The following BDH2 variants were observed in gnomAD, a reference collection of about 807,000 sequenced individuals.
The protein encoded by BDH2 is dehydrogenase/reductase SDR family member 6.
BDH2 carries 24 observed loss-of-function variants against 33.2 expected under a neutral mutation model. That is an observed-to-expected ratio of 0.72 (90% CI 0.52 to 1.02). BDH2 has a LOEUF of 1.02. BDH2 is among the 50% of genes least tolerant of loss of function. BDH2 has a pLI of 0.00. For synonymous variants in BDH2, 81 were observed against 101.6 expected, an observed-to-expected ratio of 0.80 and a Z score of 1.22; for missense variants, 249 against 301.6, an observed-to-expected ratio of 0.83 and a Z score of 1.29.
intron 4 of BDH2, chr4:103,091,570 AAAAC>A: frequency 7.7e-6 from 3 of 388,582 alleles, no homozygotes; most frequent in Non-Finnish European, 5.0e-6. Context: ...AATGCCATTA[AAAAC>A]AAACAACAAA....
chr4:103,085,438 C>T lies in BDH2; in HGVS notation c.443G>A (p.Ser148Asn), dbSNP rs1208494954. 6.2e-7 allele frequency: 1 copy of T among 1,613,214 alleles called. No homozygotes were observed. The highest frequency in any genetic ancestry group is 1.3e-5 in the African/African-American group (1 of 75,022). Residue 148 changes from serine to asparagine, a missense_variant, in exon 7 of 10, where the codon AGC becomes AAC. By Grantham distance (46) the Ser-to-Asn change is conservative. Transcript: ENST00000296424. ...GCCAATCACGGCTGCCTTGGTTGTG[C>T]TGTACACACATCTGTTCACAACTCC... is the stretch of plus-strand genomic sequence containing the variant. ...VKGVVNRCVY[S>N]TTKAAVIGLT...
Position 103,079,681 on chromosome 4 carries a change from C to T in BDH2, c.*21G>A. ...TGGATAGGAAGGGCCTGCCTTCCTT[C>T]CCACCATGGAGATCCTAAAATCACA... On this transcript the variant is annotated 3_prime_UTR_variant, in exon 10 of 10. Coordinates refer to ENST00000296424, the MANE Select transcript of BDH2 (RefSeq NM_020139.4). 6.2e-7 allele frequency: 1 copy of T among 1,611,850 alleles called. No individual in the cohort carries two copies. Among genetic ancestry groups the T allele is most frequent in the South Asian group, 1.1e-5 (1 of 91,026 alleles).
At chr4:103,092,401 C>T in intron 4 of BDH2, 199 bp downstream of exon 4, 1 of 578,770 alleles carries the variant, frequency 1.7e-6, no homozygotes, top group Non-Finnish European at 3.1e-6. Flanking sequence ...TCATTTGCCC[C>T]AGATCATGTC....
chr4:103,088,758 T>A (rs1023833447), intron 5 of BDH2, among the ~76,000 whole-genome samples: 15 of 152,172 alleles, frequency 9.9e-5, no homozygotes, highest in African/African-American at 3.6e-4. Flanking sequence ...TGGCCAGAGC[T>A]CAGCCCCTAA....
intron 5 of BDH2, among the ~76,000 whole-genome samples, chr4:103,088,175 T>A (rs1353140279): frequency 6.6e-6 from 1 of 152,088 alleles, no homozygotes. Context: ...TGAAATGGGG[T>A]TCTCATAAAA....
Position 103,086,442 on chromosome 4 carries a change from G to A in BDH2, c.418+38C>T, listed in dbSNP as rs746703772. ...ACGCAGAGCTCTTAATGATGTGCGT[G>A]TATGAGCATCGCAGTCCTCGGAAGG... On this transcript the variant is annotated intron_variant, in intron 6 of 9. Coordinates refer to ENST00000296424, the MANE Select transcript of BDH2 (RefSeq NM_020139.4). The A allele has an allele frequency of 2.5e-6, 4 of 1,603,716 alleles. No homozygotes were observed. The East Asian group carries it at 8.9e-5, about 36-fold the overall frequency.
chr4:103,093,816 G>T (rs1004041954), intron 3 of BDH2, among the ~76,000 whole-genome samples: 16 of 148,832 alleles, frequency 1.1e-4, no homozygotes, highest in African/African-American at 3.7e-4. Flanking sequence ...TATTTTGGGG[G>T]AATATAGAAA....
rs936717091 is a variant in BDH2, at chr4:103,085,244, T to C, written c.532+105A>G. On this transcript the variant is annotated intron_variant, in intron 7 of 9. Transcript: ENST00000296424. Reference sequence around the variant, plus strand: ...ATCTGTTGCAACTATTATACTAAACTCTGCCTTTGTAGCATGAAAACAGCC... The same window carrying C: ...ATCTGTTGCAACTATTATACTAAACCCTGCCTTTGTAGCATGAAAACAGCC... 3 of 839,484 alleles carry C rather than the reference T, an allele frequency of 3.6e-6. No individual in the cohort carries two copies. In the African/African-American group the frequency reaches 5.1e-5, roughly 14 times the overall value. The allele number at this position is 839,484 out of a possible 1,614,324, so 52.0% of individuals were successfully genotyped here.
intron 5 of BDH2, among the ~76,000 whole-genome samples, chr4:103,089,991 C>T (rs889372244): frequency 6.6e-6 from 1 of 152,158 alleles, no homozygotes; most frequent in Non-Finnish European, 1.5e-5. Context: ...TCATCTGGAA[C>T]CTTCTTAACA....
intron 1 of BDH2, among the ~76,000 whole-genome samples, chr4:103,098,300 G>A (rs1369368447): frequency 6.6e-6 from 1 of 152,196 alleles, no homozygotes; most frequent in Non-Finnish European, 1.5e-5. Context: ...TCAAAGAAAT[G>A]TTATTTGCCC....
intron 7 of BDH2, among the ~76,000 whole-genome samples, chr4:103,083,890 C>G (rs1475335073): frequency 2.0e-5 from 3 of 152,180 alleles, no homozygotes; most frequent in Non-Finnish European, 4.4e-5. Context: ...CATTTTGGAA[C>G]CCCCTCTTTA....
intron 7 of BDH2, 81 bp from the exon 8 acceptor site, chr4:103,083,010 ACAAT>A: frequency 1.6e-6 from 2 of 1,249,480 alleles, no homozygotes; most frequent in Non-Finnish European, 2.3e-6. Context: ...TTTCCATATG[ACAAT>A]CAGTGAGATT....
intron 6 of BDH2, 176 bp downstream of exon 6, chr4:103,086,304 C>T (rs1474285168): frequency 1.7e-5 from 22 of 1,327,874 alleles, no homozygotes; most frequent in African/African-American, 3.0e-5. Flanking sequence ...ACCACTGGCT[C>T]ACATCGAGAG....
intron 3 of BDH2, 63 bp downstream of exon 3, chr4:103,095,140 G>C: frequency 7.5e-7 from 1 of 1,331,712 alleles, no homozygotes; most frequent in Admixed American, 1.8e-5. Flanking sequence ...CAACATGTGA[G>C]CGCCATGCTT....
intron 1 of BDH2, chr4:103,099,220 G>A (rs1289307732): frequency 6.6e-6 from 1 of 152,160 alleles, no homozygotes; most frequent in Non-Finnish European, 1.5e-5. Context: ...GCCAACCGAA[G>A]AAGCACTTCC....
chr4:103,078,218 C>G lies in BDH2; in HGVS notation c.*1484G>C, dbSNP rs1262594603. 6.6e-6 allele frequency among the ~76,000 whole-genome samples: 1 copy of G among 152,132 alleles called. No homozygotes were observed. Among genetic ancestry groups the G allele is most frequent in the African/African-American group, 2.4e-5 (1 of 41,424 alleles). On this transcript the variant is annotated 3_prime_UTR_variant, in exon 10 of 10. Transcript: ENST00000296424. ...TAAAATAAAAACAAAAAACTTTGCC[C>G]TGACAATGTTACAGAATTAACATCC...
At chr4:103,081,039 T>TC (rs1464891916) in intron 9 of BDH2, among the ~76,000 whole-genome samples, 1 of 152,222 alleles carries the variant, frequency 6.6e-6, no homozygotes, top group South Asian at 2.1e-4. Flanking sequence ...TATCAGTTGT[T>TC]CCCTCCTCGC....
At chr4:103,090,531 G>A (rs1002641772) in intron 5 of BDH2, among the ~76,000 whole-genome samples, 2 of 152,126 alleles carry the variant, frequency 1.3e-5, no homozygotes, top group African/African-American at 4.8e-5. Flanking sequence ...ATTCACGAAG[G>A]GGCTCAACGT....
intron 9 of BDH2, among the ~76,000 whole-genome samples, chr4:103,079,961 C>T (rs958116120): frequency 6.6e-6 from 1 of 152,148 alleles, no homozygotes; most frequent in Non-Finnish European, 1.5e-5. Flanking sequence ...ACTAAATGGC[C>T]TCTGGCTGGT....
Sources: allele counts gnomAD v4.1 joint callset (sites outside exome capture counted in the v4.1 genomes callset), GRCh38; gene constraint gnomAD v4.1.1; transcripts MANE v1.5; gene names NCBI Gene and HGNC (gene_info 2026-07-23, HGNC 2026-07-21).